SIRPG: variants seen among roughly 807,000 people sequenced by gnomAD.
SIRPG encodes signal-regulatory protein gamma.
SIRPG carries 38 observed loss-of-function variants against 35.7 expected under a neutral mutation model. That is an observed-to-expected ratio of 1.06 (90% CI 0.82 to 1.40). The LOEUF (loss-of-function observed/expected upper bound fraction) is 1.40. Ranked by LOEUF, SIRPG falls within the 40% of genes most tolerant of loss-of-function variation. SIRPG has a pLI of 0.00. For synonymous variants in SIRPG, 215 were observed against 190.4 expected, an observed-to-expected ratio of 1.13 and a Z score of -1.06; for missense variants, 519 against 483.0, an observed-to-expected ratio of 1.07 and a Z score of -0.70.
In SIRPG at chr20:1,650,002, G is replaced by GTATATATATATATATATATA. The variant is rs200260253; in HGVS notation, c.74-595_74-594insTATATATATATATATATATA. 9.0e-3 allele frequency among the ~76,000 whole-genome samples: 729 copies of GTATATATATATATATATATA among 80,956 alleles called. 6 individuals are homozygous for GTATATATATATATATATATA. The highest frequency in any genetic ancestry group is 0.026 in the Admixed American group (195 of 7,448). The allele number at this position is 80,956 out of a possible 152,430, so 53.1% of individuals were successfully genotyped here. On this transcript the variant is annotated intron_variant, in intron 1 of 5. Coordinates refer to ENST00000303415, the MANE Select transcript of SIRPG (RefSeq NM_018556.4). ...GAACTCCTGAACTCTACTTTGAAGT[G>GTATATATATATATATATATA]TGTATATATATATATATATATATAT...
chr20:1,683,861 C>T, the SIRPG span, among the ~76,000 whole-genome samples: 11 of 151,772 alleles, frequency 7.2e-5, no homozygotes, highest in African/African-American at 2.2e-4. Flanking sequence ...CCCAGCTACT[C>T]GGGAGGCTGA....
rs774236363 is a variant in SIRPG at position 1,657,721 on chromosome 20, G to A, written c.-7C>T. ...AGGAGGCTGGGACAGGCATTTTGGAGACCTCAGAAGCCTGCTCTGTTCAAA... is the reference window on the plus strand; with the variant it reads ...AGGAGGCTGGGACAGGCATTTTGGAAACCTCAGAAGCCTGCTCTGTTCAAA... On this transcript the variant is annotated 5_prime_UTR_variant, in exon 1 of 6. Transcript: ENST00000303415. 6.2e-6 allele frequency: 10 copies of A among 1,613,870 alleles called. No individual in the cohort carries two copies. The highest frequency in any genetic ancestry group is 4.4e-5 in the South Asian group (4 of 91,074).
chr20:1,638,106 G>C (rs6074937), intron 2 of SIRPG, among the ~76,000 whole-genome samples: 79,439 of 152,014 alleles, frequency 0.52, 21,427 homozygotes, highest in East Asian at 0.84. Context: ...GTAACCAGTT[G>C]CCATTTATTG....
chr20:1,647,367 G>C (rs1474527290), intron 2 of SIRPG: 1 of 152,360 alleles, frequency 6.6e-6, no homozygotes, highest in African/African-American at 2.4e-5. Flanking sequence ...GTGACTGCCT[G>C]GGCTGGGGAG....
At chr20:1,682,446 C>T in the SIRPG span, among the ~76,000 whole-genome samples, 1 of 152,042 alleles carries the variant, frequency 6.6e-6, no homozygotes, top group Admixed American at 6.5e-5. Context: ...CCCAAAAATG[C>T]ATATGAAAAA....
upstream of SIRPG, among the ~76,000 whole-genome samples, chr20:1,661,458 G>A (rs2091995621): frequency 6.6e-6 from 1 of 152,242 alleles, no homozygotes; most frequent in Non-Finnish European, 1.5e-5. Flanking sequence ...AACATGGGCT[G>A]AGAGGGTGAG....
chr20:1,668,183 C>CTT, the SIRPG span, among the ~76,000 whole-genome samples: 1 of 53,994 alleles, frequency 1.9e-5, no homozygotes, highest in East Asian at 1.3e-3. Flanking sequence ...TTCTTTCTTT[C>CTT]TTTCTTTTTC....
chr20:1,679,870 T>C, the SIRPG span, among the ~76,000 whole-genome samples: 4 of 152,188 alleles, frequency 2.6e-5, no homozygotes, highest in African/African-American at 4.8e-5. Flanking sequence ...GATGGCTTTC[T>C]TGTACTCTGC....
At chr20:1,670,782 T>G in the SIRPG span, 27 of 191,272 alleles carry the variant, frequency 1.4e-4, 1 homozygote, top group Admixed American at 1.1e-3. Flanking sequence ...AGTTAGGAAT[T>G]AGATTCCAGG....
intron 2 of SIRPG, among the ~76,000 whole-genome samples, chr20:1,642,589 G>C (rs931154844): frequency 1.3e-5 from 2 of 152,156 alleles, no homozygotes; most frequent in African/African-American, 4.8e-5. Flanking sequence ...ATATTGTTAT[G>C]TGTGAATTTG....
At chr20:1,668,337 C>T in the SIRPG span, among the ~76,000 whole-genome samples, 1 of 150,754 alleles carries the variant, frequency 6.6e-6, no homozygotes, top group Admixed American at 6.6e-5. Flanking sequence ...GGCTGGAGTG[C>T]AGTGGCATGA....
At chr20:1,630,170 G>A in intron 5 of SIRPG, 52 bp downstream of exon 5, 2 of 1,381,498 alleles carry the variant, frequency 1.4e-6, no homozygotes, top group South Asian at 1.2e-5. Context: ...CTTCCTGTTG[G>A]CCTTGCCCTT....
the SIRPG span, among the ~76,000 whole-genome samples, chr20:1,681,655 A>G: frequency 6.6e-6 from 1 of 151,156 alleles, no homozygotes; most frequent in Non-Finnish European, 1.5e-5. Context: ...ACATGGCAAA[A>G]CCCTGTCTCT....
At chr20:1,666,739 T>C in the SIRPG span, 1 of 152,198 alleles carries the variant, frequency 6.6e-6, no homozygotes, top group Non-Finnish European at 1.5e-5. Flanking sequence ...GGACTTCACG[T>C]GCATGCATCA....
At chr20:1,666,303 G>A in the SIRPG span, 3 of 152,114 alleles carry the variant, frequency 2.0e-5, no homozygotes, top group Non-Finnish European at 4.4e-5. Flanking sequence ...GCAAGCTAAG[G>A]TTAATATATT....
intron 2 of SIRPG, among the ~76,000 whole-genome samples, chr20:1,643,545 T>A (rs1381372521): frequency 6.6e-6 from 1 of 152,206 alleles, no homozygotes; most frequent in Non-Finnish European, 1.5e-5. Flanking sequence ...ACTTTGTTAT[T>A]ACTCACCTTC....
chr20:1,670,924 C>A, the SIRPG span: 1 of 330,390 alleles, frequency 3.0e-6, no homozygotes, highest in Non-Finnish European at 6.1e-6. Context: ...AAGAGGGTCC[C>A]CCTGTAAAGT....
intron 2 of SIRPG, among the ~76,000 whole-genome samples, chr20:1,642,256 GT>G (rs1168315049): frequency 2.6e-5 from 4 of 152,134 alleles, no homozygotes; most frequent in Admixed American, 6.6e-5. Flanking sequence ...TAAGAACTTG[GT>G]TTATGAATCT....
chr20:1,648,183 G>C (rs1568734450), intron 2 of SIRPG: 1 of 152,328 alleles, frequency 6.6e-6, no homozygotes, highest in South Asian at 2.1e-4. Context: ...CCCCAAATAA[G>C]TTTTATTGCT....
Sources: gnomAD v4.1 joint callset for allele counts (sites outside exome capture counted in the v4.1 genomes callset) on GRCh38, gnomAD v4.1.1 for gene constraint, MANE v1.5 for transcripts, NCBI Gene and HGNC (gene_info 2026-07-23, HGNC 2026-07-21) for gene names.